MAGI2: variants seen among roughly 807,000 people sequenced by gnomAD.
MAGI2 encodes membrane associated guanylate kinase, WW and PDZ domain containing 2.
A neutral mutation model predicts 133.3 loss-of-function variants in MAGI2; 35 were observed. The observed-to-expected ratio is 0.26, with a 90% CI of 0.20 to 0.35. The LOEUF (loss-of-function observed/expected upper bound fraction) is 0.35. Ranked by LOEUF, MAGI2 falls within the 10% of genes least tolerant of loss-of-function variation. MAGI2 has a pLI of 1.00. For synonymous variants in MAGI2, 729 were observed against 710.6 expected (o/e 1.03, Z -0.41); for missense variants, 1,636 against 1,863.4 (o/e 0.88, Z 2.25).
At position 79,186,634 on chromosome 7, in the gene MAGI2, G is replaced by A. The variant is rs78584947; in HGVS notation, c.302-179428C>T. On this transcript the variant is annotated intron_variant, in intron 1 of 21. Transcript: ENST00000354212. ...AGGAGACCTAAATGTATATACTTTC[G>A]TATAAGTGCATATATATAATATAAA... 1.2e-3 allele frequency among the ~76,000 whole-genome samples: 152 copies of A among 129,926 alleles called. 4 individuals are homozygous for A. The East Asian group carries it at 0.02, about 17-fold the overall frequency. The allele number at this position is 129,926 out of a possible 152,430, so 85.2% of individuals were successfully genotyped here. A position where few individuals can be genotyped will look rare whatever the true frequency, so the allele number is the denominator to read the frequency against.
chr7:78,233,885 G>A (rs1245891656), intron 10 of MAGI2, among the ~76,000 whole-genome samples: 1 of 152,086 alleles, frequency 6.6e-6, no homozygotes, highest in Non-Finnish European at 1.5e-5. Context: ...CTAGGTAGAA[G>A]GTAGTTTCCT....
At chr7:78,148,043 C>A (rs959116947) in intron 16 of MAGI2, among the ~76,000 whole-genome samples, 2 of 152,008 alleles carry the variant, frequency 1.3e-5, no homozygotes, top group Non-Finnish European at 2.9e-5. Flanking sequence ...AGATATTTAC[C>A]AAGTGAAATA....
At chr7:79,081,539 G>A (rs1271695296) in intron 1 of MAGI2, among the ~76,000 whole-genome samples, 1 of 152,088 alleles carries the variant, frequency 6.6e-6, no homozygotes, top group Non-Finnish European at 1.5e-5. Context: ...AATAAGCTTG[G>A]GGAGGGAAAC....
chr7:78,621,006 G>T (rs1807671978), intron 3 of MAGI2, among the ~76,000 whole-genome samples: 1 of 151,950 alleles, frequency 6.6e-6, no homozygotes, highest in South Asian at 2.1e-4. Context: ...GACAACTGCT[G>T]TAAGTGGTGA....
intron 1 of MAGI2, among the ~76,000 whole-genome samples, chr7:79,330,180 CTTTTTTTTTTTTTTTTTT>C (rs544172383): frequency 3.4e-5 from 2 of 59,126 alleles, no homozygotes; most frequent in Non-Finnish European, 5.5e-5. Flanking sequence ...CAATCTGCAT[CTTTTTTTTTTTTTTTTTT>C]TTTTTTTTTT....
At position 78,178,032 on chromosome 7, in the gene MAGI2, C is replaced by A. The variant is rs151151163; in HGVS notation, c.2382G>T (p.Gly794=). The A allele has an allele frequency of 1.2e-6, 2 of 1,612,858 alleles. No homozygotes were observed. The highest frequency in any genetic ancestry group is 1.1e-5 in the South Asian group (1 of 91,048). The change falls in exon 14 of 22, where the codon GGG becomes GGT. Residue 794 remains glycine (G), a synonymous_variant. Transcript: ENST00000354212. ...MESGFGFRIL[G]GDEPGQPILI... is the part of the protein sequence containing the mutation. ...TTACAGGCTGTCCAGGCTCATCTCC[C>A]CCGAGGATTCTGAAGCCAAATCCAG...
chr7:79,154,987 A>C (rs1823623505), intron 1 of MAGI2, among the ~76,000 whole-genome samples: 1 of 152,154 alleles, frequency 6.6e-6, no homozygotes, highest in Non-Finnish European at 1.5e-5. Flanking sequence ...CGTTTGTTCC[A>C]CTTGTGGAAA....
At chr7:79,311,803 C>T (rs893806915) in intron 1 of MAGI2, among the ~76,000 whole-genome samples, 4 of 152,142 alleles carry the variant, frequency 2.6e-5, no homozygotes, top group African/African-American at 9.7e-5. Flanking sequence ...ACTTACAGAG[C>T]CTTTCCCATC....
intron 2 of MAGI2, among the ~76,000 whole-genome samples, chr7:78,855,220 G>A (rs570545554): frequency 6.6e-6 from 1 of 152,084 alleles, no homozygotes; most frequent in East Asian, 1.9e-4. Context: ...CCAAGTAGCT[G>A]GGACTACAGG....
chr7:78,483,605 C>T (rs1291623366), intron 6 of MAGI2, among the ~76,000 whole-genome samples: 5 of 151,450 alleles, frequency 3.3e-5, no homozygotes, highest in Admixed American at 6.6e-5. Context: ...TCCATCCTAC[C>T]TGATTTATTT....
At chr7:78,550,175 G>A (rs1014804880) in intron 3 of MAGI2, among the ~76,000 whole-genome samples, 4 of 152,164 alleles carry the variant, frequency 2.6e-5, no homozygotes, top group Non-Finnish European at 5.9e-5. Context: ...GCAAATTTCT[G>A]TTGTTTATAG....
rs551879500 is a variant in MAGI2 at position 78,452,305 on chromosome 7, G to A, written c.1045+37456C>T. ...AGCCCATACTTCCAAGCAGGAAATG[G>A]TACTCTCTCCCTGATTTTGGTGGTA... On this transcript the variant is annotated intron_variant, in intron 6 of 21. Coordinates refer to ENST00000354212, the MANE Select transcript of MAGI2 (RefSeq NM_012301.4). Among the ~76,000 whole-genome samples the A allele has an allele frequency of 2.6e-5, 4 of 152,034 alleles. No homozygotes were observed. In the East Asian group the frequency reaches 7.8e-4, roughly 30 times the overall value.
At chr7:79,019,199 C>T (rs572383295) in intron 1 of MAGI2, among the ~76,000 whole-genome samples, 2 of 152,136 alleles carry the variant, frequency 1.3e-5, no homozygotes, top group African/African-American at 2.4e-5. Flanking sequence ...CAATTTTGGA[C>T]CATTATATGA....
intron 10 of MAGI2, among the ~76,000 whole-genome samples, chr7:78,214,156 T>A (rs1788039411): frequency 6.6e-6 from 1 of 152,246 alleles, no homozygotes; most frequent in Non-Finnish European, 1.5e-5. Flanking sequence ...CCCACTGATT[T>A]GTCTATTTCA....
chr7:78,315,758 C>T (rs181485901), intron 9 of MAGI2, among the ~76,000 whole-genome samples: 12 of 152,240 alleles, frequency 7.9e-5, no homozygotes, highest in African/African-American at 2.2e-4. Context: ...ATTTCAACCT[C>T]GTTTGTCTCT....
In MAGI2 at chr7:78,997,113, G is replaced by A. The variant is rs373312735; in HGVS notation, c.418+9977C>T. Among the ~76,000 whole-genome samples, 14 of 152,268 alleles carry A rather than the reference G, an allele frequency of 9.2e-5. No individual in the cohort carries two copies. The East Asian group carries it at 2.5e-3, about 27-fold the overall frequency. On this transcript the variant is annotated intron_variant, in intron 2 of 21. Coordinates refer to ENST00000354212, the MANE Select transcript of MAGI2 (RefSeq NM_012301.4). The stretch of plus-strand genomic sequence containing the variant: ...GAGGACAAGTTAAAAAGTTATTATT[G>A]ATGCATACAAGTGGGTCTTGTTGAG...
chr7:78,462,206 C>T (rs1420854634), intron 6 of MAGI2, among the ~76,000 whole-genome samples: 1 of 152,106 alleles, frequency 6.6e-6, no homozygotes, highest in Non-Finnish European at 1.5e-5. Context: ...CAAATGTCTC[C>T]CATATCCCAC....
chr7:79,003,086 T>C (rs1319789432), intron 2 of MAGI2, among the ~76,000 whole-genome samples: 2 of 151,994 alleles, frequency 1.3e-5, no homozygotes, highest in Non-Finnish European at 2.9e-5. Flanking sequence ...CTCCCCTGCT[T>C]AGCTCAGAAA....
intron 6 of MAGI2, among the ~76,000 whole-genome samples, chr7:78,404,182 TAGA>T (rs1033275936): frequency 6.6e-6 from 1 of 152,068 alleles, no homozygotes; most frequent in Admixed American, 6.6e-5. Context: ...CACAAACAAA[TAGA>T]AGAACATTCC....
Sources: allele counts gnomAD v4.1 joint callset (sites outside exome capture counted in the v4.1 genomes callset), GRCh38; gene constraint gnomAD v4.1.1; transcripts MANE v1.5; gene names NCBI Gene and HGNC (gene_info 2026-07-23, HGNC 2026-07-21).